CDC42EP3: variants seen among roughly 807,000 people sequenced by gnomAD.
CDC42EP3 encodes CDC42 effector protein (Rho GTPase binding) 3.
A neutral mutation model predicts 15.5 loss-of-function variants in CDC42EP3; 4 were observed. The observed-to-expected ratio is 0.26, with a 90% confidence interval of 0.13 to 0.59. The LOEUF (loss-of-function observed/expected upper bound fraction) is 0.59. CDC42EP3 is among the 20% of genes least tolerant of loss of function. CDC42EP3 has a pLI of 0.89. For missense variants in CDC42EP3, 309 were observed against 311.2 expected, an observed-to-expected ratio of 0.99 and a Z score of 0.05; for synonymous variants, 145 against 130.3, an observed-to-expected ratio of 1.11 and a Z score of -0.77.
intron 1 of CDC42EP3, among the ~76,000 whole-genome samples, chr2:37,661,038 C>T (rs1224799783): frequency 6.6e-6 from 1 of 151,912 alleles, no homozygotes; most frequent in African/African-American, 2.4e-5. Context: ...TTTATGAAAA[C>T]CTTGTGAAAA....
rs1665422976 is a variant in CDC42EP3 at position 37,645,564 on chromosome 2, G to T, written c.*259C>A. The T allele has an allele frequency of 3.1e-6, 1 of 321,868 alleles. No homozygotes were observed. The highest frequency in any genetic ancestry group is 4.5e-5 in the Admixed American group (1 of 22,458). The allele number at this position is 321,868 out of a possible 1,614,324, so 19.9% of individuals were successfully genotyped here. ...TTTCTTGTGTGTCTGCAAACAATAT[G>T]TGAGCCGAACATCACCAATGCCTCC... On this transcript the variant is annotated 3_prime_UTR_variant, in exon 2 of 2. Coordinates refer to ENST00000295324, the MANE Select transcript of CDC42EP3 (RefSeq NM_006449.5).
rs377526492 is a variant in CDC42EP3 at position 37,646,651 on chromosome 2, T to C, written c.-64A>G. ...AGGGCCACTTTCTTCACAGATGGTA[T>C]ATGTTTCTGAATCCTTTTTGATAGG... On this transcript the variant is annotated 5_prime_UTR_variant, in exon 2 of 2. The change creates a new upstream start codon in the 5' untranslated region. Coordinates refer to ENST00000295324, the MANE Select transcript of CDC42EP3 (RefSeq NM_006449.5). The C allele has an allele frequency of 7.1e-7, 1 of 1,415,602 alleles. No individual in the cohort carries two copies. The highest frequency in any genetic ancestry group is 1.4e-5 in the African/African-American group (1 of 69,616). The allele number at this position is 1,415,602 out of a possible 1,614,324, so 87.7% of individuals were successfully genotyped here. A position where few individuals can be genotyped will look rare whatever the true frequency, so the allele number is the denominator to read the frequency against.
rs776043348 is a variant in CDC42EP3 at position 37,646,224 on chromosome 2, A to T, written c.364T>A (p.Leu122Ile). Reference sequence around the variant, plus strand: ...GAATTAAATGTCACTGGTGACAATAAGGGCAACATGAGAGCTTGGGATCCT... The same window carrying T: ...GAATTAAATGTCACTGGTGACAATATGGGCAACATGAGAGCTTGGGATCCT... Reference protein sequence around the residue: ...IGGSQALMLPLLSPVTFNSKQ... With the variant: ...IGGSQALMLPILSPVTFNSKQ... Residue 122 changes from leucine to isoleucine, a missense_variant, in exon 2 of 2, where the codon TTA becomes ATA. Transcript: ENST00000295324. 6.2e-6 allele frequency: 10 copies of T among 1,614,092 alleles called. No individual in the cohort carries two copies. The highest frequency in any genetic ancestry group is 7.6e-6 in the Non-Finnish European group (9 of 1,180,046).
chr2:37,648,599 G>A (rs768603168), intron 1 of CDC42EP3, among the ~76,000 whole-genome samples: 6 of 152,226 alleles, frequency 3.9e-5, no homozygotes, highest in African/African-American at 7.2e-5. Context: ...TGGGTATGGG[G>A]AGGAGGCAGA....
At chr2:37,659,050 C>A (rs992840848) in intron 1 of CDC42EP3, among the ~76,000 whole-genome samples, 1 of 152,250 alleles carries the variant, frequency 6.6e-6, no homozygotes, top group Admixed American at 6.5e-5. Context: ...CCCATGGCAT[C>A]CTAAGCTCCC....
chr2:37,642,960 A>G lies in CDC42EP3; in HGVS notation c.*2863T>C, dbSNP rs1405632065. ...GATATTTTGATCTTTTCAAGCAGAT[A>G]ATTTCAGGCAGAAATGATATAGCTT... On this transcript the variant is annotated 3_prime_UTR_variant, in exon 2 of 2. Coordinates refer to ENST00000295324, the MANE Select transcript of CDC42EP3 (RefSeq NM_006449.5). 2 of 152,196 alleles carry G rather than the reference A, an allele frequency of 1.3e-5. No individual in the cohort carries two copies. The highest frequency in any genetic ancestry group is 6.5e-5 in the Admixed American group (1 of 15,286). 9.4% of individuals were successfully genotyped at this position (152,196 alleles called of 1,614,324 possible).
At position 37,661,906 on chromosome 2, in the gene CDC42EP3, G is replaced by A. The variant is rs558503860; in HGVS notation, c.-236+9520C>T. Among the ~76,000 whole-genome samples the A allele has an allele frequency of 1.5e-3, 224 of 151,996 alleles. 2 individuals carry two copies. The highest frequency in any genetic ancestry group is 3.4e-3 in the Middle Eastern group (1 of 294). The stretch of plus-strand genomic sequence containing the variant: ...TTTTCCTTGGCTTAAAAAAAAGTTC[G>A]ACAGAGCTGGGCCTAGGAGGAAGAT... On this transcript the variant is annotated intron_variant, in intron 1 of 1. Transcript: ENST00000295324.
chr2:37,650,298 C>A (rs1665626999), intron 1 of CDC42EP3, among the ~76,000 whole-genome samples: 1 of 152,210 alleles, frequency 6.6e-6, no homozygotes, highest in South Asian at 2.1e-4. Flanking sequence ...TAAGTCCATG[C>A]AGCTTGATCA....
upstream of CDC42EP3, chr2:37,672,110 A>G (rs1019780439): frequency 3.0e-3 from 450 of 151,948 alleles, 2 homozygotes; most frequent in Middle Eastern, 0.014. Context: ...GCGGGCGGTG[A>G]CCCGCAGGGA....
Position 37,644,367 on chromosome 2 carries a change from G to C in CDC42EP3, c.*1456C>G, listed in dbSNP as rs1337837043. ...GAAGGAGTAGTTGGCAAAGGGACAGGAATCTGTGTGTACATTTCCTGCTCC... is the reference window on the plus strand; with the variant it reads ...GAAGGAGTAGTTGGCAAAGGGACAGCAATCTGTGTGTACATTTCCTGCTCC... On this transcript the variant is annotated 3_prime_UTR_variant, in exon 2 of 2. Coordinates refer to ENST00000295324, the MANE Select transcript of CDC42EP3 (RefSeq NM_006449.5). 1.3e-5 allele frequency: 2 copies of C among 152,172 alleles called. No homozygotes were observed. Among genetic ancestry groups the C allele is most frequent in the African/African-American group, 2.4e-5 (1 of 41,442 alleles). The allele number at this position is 152,172 out of a possible 1,614,324, so 9.4% of individuals were successfully genotyped here.
chr2:37,642,573 A>G lies in CDC42EP3; in HGVS notation c.*3250T>C, dbSNP rs1291437548. ...GAAAAACTCTTACTGGAGAGAAACC[A>G]TCATGTTGGCTCATTCTATTGTGTT... On this transcript the variant is annotated 3_prime_UTR_variant, in exon 2 of 2. Transcript: ENST00000295324. 3.3e-5 allele frequency: 5 copies of G among 152,240 alleles called. No individual in the cohort carries two copies. Among genetic ancestry groups the G allele is most frequent in the African/African-American group, 1.2e-4 (5 of 41,456 alleles). 9.4% of individuals were successfully genotyped at this position (152,240 alleles called of 1,614,324 possible). A position where few individuals can be genotyped will look rare whatever the true frequency, so the allele number is the denominator to read the frequency against.
At chr2:37,649,946 C>A (rs1665611846) in intron 1 of CDC42EP3, among the ~76,000 whole-genome samples, 1 of 152,152 alleles carries the variant, frequency 6.6e-6, no homozygotes, top group South Asian at 2.1e-4. Flanking sequence ...CAAATATTTA[C>A]ATCATATTTA....
intron 1 of CDC42EP3, among the ~76,000 whole-genome samples, chr2:37,666,943 A>G (rs569097096): frequency 6.6e-6 from 1 of 152,208 alleles, no homozygotes; most frequent in East Asian, 1.9e-4. Context: ...AAGATTTCAA[A>G]TGGAATTGGA....
At chr2:37,660,406 G>C (rs1170833584) in intron 1 of CDC42EP3, among the ~76,000 whole-genome samples, 1 of 152,184 alleles carries the variant, frequency 6.6e-6, no homozygotes, top group Non-Finnish European at 1.5e-5. Context: ...GTTATCTTCA[G>C]TTGGGGCTCT....
At position 37,646,282 on chromosome 2, in the gene CDC42EP3, C is replaced by T. The variant is rs1325121876; in HGVS notation, c.306G>A (p.Val102=). The stretch of plus-strand genomic sequence containing the variant: ...TCGGGAGGGAGATGGCATTTTTGAG[C>T]ACCGGGGAGGGCGTTTCTGTGAACA... ...DSVFTETPSP[V]LKNAISLPTI... Residue 102 remains valine (V), a synonymous_variant, in exon 2 of 2, where the codon GTG becomes GTA. Coordinates refer to ENST00000295324, the MANE Select transcript of CDC42EP3 (RefSeq NM_006449.5). 4 of 1,614,140 alleles carry T rather than the reference C, an allele frequency of 2.5e-6. No individual in the cohort carries two copies. Among genetic ancestry groups the T allele is most frequent in the South Asian group, 2.2e-5 (2 of 91,086 alleles).
At chr2:37,668,017 A>T (rs1358290009) in intron 1 of CDC42EP3, among the ~76,000 whole-genome samples, 1 of 152,210 alleles carries the variant, frequency 6.6e-6, no homozygotes, top group Non-Finnish European at 1.5e-5. Context: ...ACAGTACTGA[A>T]CCCCATATAT....
At chr2:37,669,995 TCACA>T (rs1382932107) in intron 1 of CDC42EP3, among the ~76,000 whole-genome samples, 2 of 152,290 alleles carry the variant, frequency 1.3e-5, no homozygotes, top group Non-Finnish European at 2.9e-5. Flanking sequence ...CAATAAGAGC[TCACA>T]CAAATTGCAG....
rs2231502 is a variant in CDC42EP3, at chr2:37,646,429, A to G, written c.159T>C (p.Phe53=). The G allele has an allele frequency of 2.1e-4, 346 of 1,614,178 alleles. No homozygotes were observed. In the African/African-American group the frequency reaches 4.2e-3, roughly 19 times the overall value. Residue 53 remains phenylalanine (F), a synonymous_variant, in exon 2 of 2, where the codon TTT becomes TTC. Transcript: ENST00000295324. ...TCCCTTGAAGAAAGGAAATATCTCC[A>G]AAGACATCGTGCTGGCCCTCTTTGC... ...HIGKEGQHDV[F]GDISFLQGNY...
intron 1 of CDC42EP3, among the ~76,000 whole-genome samples, chr2:37,663,029 G>A (rs963260357): frequency 3.0e-4 from 45 of 152,252 alleles, no homozygotes; most frequent in African/African-American, 1.1e-3. Flanking sequence ...GCTGGGTGTG[G>A]TGGCGGGTGC....
Sources: gnomAD v4.1 joint callset for allele counts (sites outside exome capture counted in the v4.1 genomes callset) on GRCh38, gnomAD v4.1.1 for gene constraint, MANE v1.5 for transcripts, NCBI Gene and HGNC (gene_info 2026-07-23, HGNC 2026-07-21) for gene names.